TET2: variants seen among roughly 807,000 people sequenced by gnomAD.
The protein encoded by TET2 is tet methylcytosine dioxygenase 2, also known as methylcytosine dioxygenase TET2.
Under a neutral mutation model 142.9 loss-of-function variants are expected in TET2, and 299 were observed. The ratio of observed to expected loss-of-function variants is 2.09; its 90% confidence interval spans 1.90 to 2.30. The LOEUF (loss-of-function observed/expected upper bound fraction) is 2.30. Ranked by LOEUF, TET2 falls within the 30% of genes most tolerant of loss-of-function variation. TET2 has a pLI of 0.00. For synonymous variants in TET2, 819 were observed against 849.0 expected (o/e 0.96, Z 0.61); for missense variants, 2,418 against 2,378.0 (o/e 1.02, Z -0.35).
At chr4:105,221,739 G>A (rs187987616) in intron 2 of TET2, among the ~76,000 whole-genome samples, 1 of 151,454 alleles carries the variant, frequency 6.6e-6, no homozygotes, top group Admixed American at 6.6e-5. Context: ...TATACTTTAA[G>A]TTTTAGGGTA....
chr4:105,203,920 G>A (rs1035369410), intron 2 of TET2, among the ~76,000 whole-genome samples: 3 of 151,990 alleles, frequency 2.0e-5, no homozygotes, highest in Admixed American at 2.0e-4. Context: ...TAGAAAACTG[G>A]CCAAGTGCAG....
At chr4:105,194,206 T>C (rs1471616244) in intron 2 of TET2, among the ~76,000 whole-genome samples, 1 of 152,186 alleles carries the variant, frequency 6.6e-6, no homozygotes, top group Non-Finnish European at 1.5e-5. Context: ...GACTTGCCTG[T>C]TAGCACTCTC....
intron 2 of TET2, among the ~76,000 whole-genome samples, chr4:105,219,971 C>T (rs1241694092): frequency 1.3e-5 from 2 of 152,090 alleles, no homozygotes; most frequent in African/African-American, 4.8e-5. Context: ...TTTTTCTCCT[C>T]ATTAGAATAT....
chr4:105,166,620 G>T (rs546284252), intron 1 of TET2, among the ~76,000 whole-genome samples: 1 of 147,044 alleles, frequency 6.8e-6, no homozygotes, highest in South Asian at 2.2e-4. Flanking sequence ...GAAAAAAAAA[G>T]AAAAAAAAAC....
chr4:105,234,920 A>G lies in TET2; in HGVS notation c.978A>G (p.Lys326=), dbSNP rs201837804. ...FQKPEQLQQQ[K]SVFEICPSPA... Reference sequence around the variant, plus strand: ...AACCAGAACAACTACAACAACAAAAATCAGTTTTTGAGATATGCCCATCTC... The same window carrying G: ...AACCAGAACAACTACAACAACAAAAGTCAGTTTTTGAGATATGCCCATCTC... Residue 326 remains lysine, a synonymous_variant, in exon 3 of 11, where the codon AAA becomes AAG. Transcript: ENST00000380013. 618 of 1,613,964 alleles carry G rather than the reference A, an allele frequency of 3.8e-4. No homozygotes were observed. The highest frequency in any genetic ancestry group is 4.9e-4 in the Non-Finnish European group (576 of 1,180,002).
intron 2 of TET2, among the ~76,000 whole-genome samples, chr4:105,201,995 G>A (rs915927601): frequency 5.3e-5 from 8 of 151,648 alleles, no homozygotes; most frequent in African/African-American, 1.9e-4. Flanking sequence ...CACCTGCCTC[G>A]GCTTCCCAAA....
intron 1 of TET2, among the ~76,000 whole-genome samples, chr4:105,169,580 T>C (rs939893147): frequency 6.6e-6 from 1 of 152,184 alleles, no homozygotes; most frequent in African/African-American, 2.4e-5. Flanking sequence ...GCTCTTTTGT[T>C]TAATTAAGTC....
At chr4:105,257,832 G>A (rs556276545) in intron 6 of TET2, among the ~76,000 whole-genome samples, 36 of 152,230 alleles carry the variant, frequency 2.4e-4, no homozygotes, top group African/African-American at 8.4e-4. Context: ...ATGATTATTT[G>A]ACAAATGCCT....
In TET2 at chr4:105,252,287, C is replaced by A. The variant is rs549887328; in HGVS notation, c.3804-7332C>A. ...AGTTGGAATGATACAGTATATGGAGCCTTTTCAGACTGGTTTTTGTCACTT... is the reference window on the plus strand; with the variant it reads ...AGTTGGAATGATACAGTATATGGAGACTTTTCAGACTGGTTTTTGTCACTT... On this transcript the variant is annotated intron_variant, in intron 6 of 10. Transcript: ENST00000380013. Among the ~76,000 whole-genome samples, 5 of 152,224 alleles carry A rather than the reference C, an allele frequency of 3.3e-5. No individual in the cohort carries two copies. In the East Asian group the frequency reaches 9.6e-4, roughly 29 times the overall value.
intron 7 of TET2, among the ~76,000 whole-genome samples, chr4:105,260,503 G>A (rs1178273745): frequency 1.3e-5 from 2 of 151,620 alleles, no homozygotes; most frequent in African/African-American, 2.4e-5. Flanking sequence ...GACTGTCTCC[G>A]TACTAATTGA....
chr4:105,229,441 A>G (rs1007670961), intron 2 of TET2, among the ~76,000 whole-genome samples: 6 of 151,838 alleles, frequency 4.0e-5, no homozygotes, highest in Non-Finnish European at 8.8e-5. Context: ...CTCCCAAGTA[A>G]CTGGGACTAC....
At chr4:105,210,795 T>G (rs1485670576) in intron 2 of TET2, among the ~76,000 whole-genome samples, 1 of 152,198 alleles carries the variant, frequency 6.6e-6, no homozygotes, top group African/African-American at 2.4e-5. Context: ...TCTCTGCCAC[T>G]GCTATTCTCT....
chr4:105,242,112 T>C, intron 4 of TET2: 3 of 1,183,586 alleles, frequency 2.5e-6, no homozygotes, highest in East Asian at 3.7e-5. Flanking sequence ...GGCAGTATTA[T>C]TATTAAAGTA....
At chr4:105,196,357 T>C (rs1392835027) in intron 2 of TET2, among the ~76,000 whole-genome samples, 1 of 152,140 alleles carries the variant, frequency 6.6e-6, no homozygotes, top group Non-Finnish European at 1.5e-5. Context: ...GGAGTTTATT[T>C]GGTTAATGCA....
chr4:105,211,704 A>G (rs1727172899), intron 2 of TET2, among the ~76,000 whole-genome samples: 1 of 152,216 alleles, frequency 6.6e-6, no homozygotes. Flanking sequence ...GCCGTGAAAG[A>G]TAGGGAAATT....
At chr4:105,148,973 T>A (rs929223708) in intron 1 of TET2, among the ~76,000 whole-genome samples, 2 of 152,222 alleles carry the variant, frequency 1.3e-5, no homozygotes, top group Admixed American at 6.5e-5. Context: ...TGGGGTTCTT[T>A]CACATGATTA....
intron 6 of TET2, among the ~76,000 whole-genome samples, chr4:105,257,627 T>A (rs1405600928): frequency 6.6e-6 from 1 of 152,130 alleles, no homozygotes; most frequent in Non-Finnish European, 1.5e-5. Context: ...GTGGTGAGAG[T>A]TTAGGGCTTT....
intron 9 of TET2, among the ~76,000 whole-genome samples, chr4:105,270,606 A>G (rs1468381787): frequency 6.6e-6 from 1 of 152,164 alleles, no homozygotes; most frequent in Non-Finnish European, 1.5e-5. Context: ...GCCTGACTAC[A>G]TATTACAGTG....
chr4:105,167,388 G>A (rs148930283), intron 1 of TET2, among the ~76,000 whole-genome samples: 96 of 151,796 alleles, frequency 6.3e-4, no homozygotes, highest in Non-Finnish European at 1.1e-3. Context: ...ATACATATGC[G>A]TGTATATGTG....
Sources: allele counts gnomAD v4.1 joint callset (sites outside exome capture counted in the v4.1 genomes callset), GRCh38; gene constraint gnomAD v4.1.1; transcripts MANE v1.5; gene names NCBI Gene and HGNC (gene_info 2026-07-23, HGNC 2026-07-21).